The following PCDH7 variants were observed in gnomAD, a reference collection of about 807,000 sequenced individuals.
PCDH7 encodes protocadherin 7.
PCDH7 carries 17 observed loss-of-function variants against 58.9 expected under a neutral mutation model. That is an observed-to-expected ratio of 0.29 (90% CI 0.20 to 0.43). PCDH7 has a LOEUF of 0.43. Ranked by LOEUF, PCDH7 falls within the 20% of genes least tolerant of loss-of-function variation. The pLI is 1.00. For missense variants in PCDH7, 1,274 were observed against 1,441.0 expected (o/e 0.88, Z 1.88); for synonymous variants, 664 against 616.4 (o/e 1.08, Z -1.14).
chr4:31,125,968 G>A (rs139563750), intron 3 of PCDH7, among the ~76,000 whole-genome samples: 1 of 152,206 alleles, frequency 6.6e-6, no homozygotes, highest in Non-Finnish European at 1.5e-5. Flanking sequence ...CACAGGTCTG[G>A]CATCAGACTA....
chr4:30,934,244 T>A (rs992752864), intron 2 of PCDH7, among the ~76,000 whole-genome samples: 3 of 151,734 alleles, frequency 2.0e-5, no homozygotes, highest in Non-Finnish European at 4.4e-5. Context: ...CGTCTGAGTA[T>A]TATCTATGTC....
At chr4:30,990,132 T>C (rs1249056003) in intron 3 of PCDH7, among the ~76,000 whole-genome samples, 1 of 151,976 alleles carries the variant, frequency 6.6e-6, no homozygotes, top group Non-Finnish European at 1.5e-5. Context: ...TTATATAATA[T>C]AGTCAAATAA....
chr4:30,920,845 A>G (rs1743101586), intron 2 of PCDH7, among the ~76,000 whole-genome samples: 2 of 152,184 alleles, frequency 1.3e-5, no homozygotes, highest in African/African-American at 4.8e-5. Flanking sequence ...CTTTCCTATG[A>G]TCACTGAATA....
intron 3 of PCDH7, among the ~76,000 whole-genome samples, chr4:31,097,638 A>AATC (rs35867478): frequency 0.012 from 921 of 79,188 alleles, 142 homozygotes; most frequent in Non-Finnish European, 0.015. Flanking sequence ...ATATATATAT[A>AATC]AATCTTTTTT....
rs1271499232 is a variant in PCDH7 at position 30,986,262 on chromosome 4, C to A, written c.*7+36047C>A. Among the ~76,000 whole-genome samples the A allele has an allele frequency of 1.3e-5, 2 of 152,010 alleles. 1 individual carries two copies. Among genetic ancestry groups the A allele is most frequent in the Admixed American group, 1.3e-4 (2 of 15,260 alleles). ...CTCCTTGCCTACTAAATGATAACTG[C>A]TGATGACATTAATATTCAGGTCTGT... On this transcript the variant is annotated intron_variant, in intron 3 of 3. Coordinates refer to the PCDH7 transcript ENST00000509759.
intron 3 of PCDH7, among the ~76,000 whole-genome samples, chr4:30,955,131 T>G (rs918679496): frequency 2.0e-5 from 3 of 152,084 alleles, no homozygotes; most frequent in Non-Finnish European, 4.4e-5. Context: ...TTTTCTTGTT[T>G]GAGGTATACA....
chr4:31,100,273 C>T (rs1483156514), intron 3 of PCDH7, among the ~76,000 whole-genome samples: 2 of 152,250 alleles, frequency 1.3e-5, no homozygotes, highest in East Asian at 3.9e-4. Context: ...GGGGGATCAG[C>T]ATGGCTGAAC....
chr4:31,033,875 C>T (rs765251899), intron 3 of PCDH7, among the ~76,000 whole-genome samples: 1 of 152,092 alleles, frequency 6.6e-6, no homozygotes, highest in Non-Finnish European at 1.5e-5. Flanking sequence ...GGGCAGATCA[C>T]CGGAGGTCAG....
At chr4:30,840,753 A>C (rs1056122772) in intron 1 of PCDH7, among the ~76,000 whole-genome samples, 2 of 152,154 alleles carry the variant, frequency 1.3e-5, no homozygotes, top group Non-Finnish European at 2.9e-5. Context: ...AAGTCATTAC[A>C]AAAGCCTCCC....
rs374408738 is a variant in PCDH7 at position 30,973,061 on chromosome 4, TAC to T, written c.*7+22848_*7+22849del. Among the ~76,000 whole-genome samples the T allele has an allele frequency of 6.4e-4, 98 of 152,324 alleles. 2 individuals are homozygous for T. The South Asian group carries it at 0.02, about 31-fold the overall frequency. ...GGTAACATGATGAGGAAATAAGACA[TAC>T]AGTCACAAATTCCCAAAAAATGTGG... On this transcript the variant is annotated intron_variant, in intron 3 of 3. Transcript: ENST00000509759.
At chr4:31,116,146 G>A (rs1219700999) in intron 3 of PCDH7, among the ~76,000 whole-genome samples, 1 of 152,122 alleles carries the variant, frequency 6.6e-6, no homozygotes, top group Non-Finnish European at 1.5e-5. Flanking sequence ...AAGTGCCTCT[G>A]ACACTACAAG....
intron 1 of PCDH7, among the ~76,000 whole-genome samples, chr4:30,819,133 A>G (rs1261447422): frequency 6.6e-6 from 1 of 152,154 alleles, no homozygotes; most frequent in Non-Finnish European, 1.5e-5. Flanking sequence ...CTGTGAGGGT[A>G]CAGGAGCCAC....
chr4:31,108,390 A>G (rs1715859139), intron 3 of PCDH7, among the ~76,000 whole-genome samples: 2 of 124,862 alleles, frequency 1.6e-5, no homozygotes, highest in African/African-American at 7.6e-5. Flanking sequence ...AAAAAAAAAA[A>G]AAAAAAAAAA....
chr4:31,056,557 AGGAAG>A (rs1358684705), intron 3 of PCDH7, among the ~76,000 whole-genome samples: 3 of 148,972 alleles, frequency 2.0e-5, no homozygotes, highest in African/African-American at 7.4e-5. Context: ...AGAGAGAGAG[AGGAAG>A]GGAAGGGAAG....
chr4:31,091,577 G>A (rs77267187), intron 3 of PCDH7, among the ~76,000 whole-genome samples: 1 of 151,646 alleles, frequency 6.6e-6, no homozygotes, highest in African/African-American at 2.4e-5. Flanking sequence ...TTGGTTTAAG[G>A]TCTGTATTTT....
chr4:30,835,156 AT>A (rs750271686), intron 1 of PCDH7, among the ~76,000 whole-genome samples: 2 of 152,158 alleles, frequency 1.3e-5, no homozygotes, highest in South Asian at 2.1e-4. Context: ...TAATAATTGT[AT>A]TAGTAAGAAT....
chr4:30,741,390 C>T (rs1287484259), intron 1 of PCDH7, among the ~76,000 whole-genome samples: 3 of 151,800 alleles, frequency 2.0e-5, no homozygotes, highest in East Asian at 1.9e-4. Context: ...GACAGGGTTT[C>T]GCCACGTTAC....
At chr4:30,948,839 A>G (rs921121540) in intron 2 of PCDH7, among the ~76,000 whole-genome samples, 6 of 152,254 alleles carry the variant, frequency 3.9e-5, no homozygotes, top group Admixed American at 2.6e-4. Flanking sequence ...TACGATGGCT[A>G]ATCATAAGGA....
rs1752134046 is a variant in PCDH7, at chr4:30,999,014, A to G, written c.*7+48799A>G. Among the ~76,000 whole-genome samples the G allele has an allele frequency of 2.6e-5, 4 of 152,130 alleles. No individual in the cohort carries two copies. In the South Asian group the frequency reaches 8.3e-4, roughly 32 times the overall value. On this transcript the variant is annotated intron_variant, in intron 3 of 3. Coordinates refer to the PCDH7 transcript ENST00000509759. ...TTATTAATGTTTGTAGCTTTCCTTTACAGTGAAGGTACCTGGATAGAGGGT... is the reference window on the plus strand; with the variant it reads ...TTATTAATGTTTGTAGCTTTCCTTTGCAGTGAAGGTACCTGGATAGAGGGT...
Sources: allele counts gnomAD v4.1 joint callset (sites outside exome capture counted in the v4.1 genomes callset), GRCh38; gene constraint gnomAD v4.1.1; transcripts MANE v1.5; gene names NCBI Gene and HGNC (gene_info 2026-07-23, HGNC 2026-07-21).